Variants in SETX observed in about 807,000 individuals in gnomAD.
SETX encodes senataxin.
SETX carries 90 observed loss-of-function variants against 227.2 expected under a neutral mutation model. The ratio of observed to expected loss-of-function variants is 0.40; its 90% CI spans 0.33 to 0.47. The LOEUF (loss-of-function observed/expected upper bound fraction) is 0.47, where lower values mean the gene tolerates loss of function less well. SETX is among the 20% of genes least tolerant of loss of function. The probability of loss-of-function intolerance (pLI) is 0.91; values close to 1 mark genes in which losing one functional copy is unlikely to be tolerated. For synonymous variants in SETX, 1,210 were observed against 1,113.2 expected, an observed-to-expected ratio of 1.09 and a Z score of -1.73; for missense variants, 3,052 against 3,181.5, an observed-to-expected ratio of 0.96 and a Z score of 0.98.
chr9:132,328,703 T>TA lies in SETX; in HGVS notation c.2894dup (p.Leu965PhefsTer31). 6.2e-7 allele frequency: 1 copy of TA among 1,613,882 alleles called. No individual in the cohort carries two copies. The highest frequency in any genetic ancestry group is 1.1e-5 in the South Asian group (1 of 91,048). On this transcript the variant is annotated frameshift_variant, in exon 10 of 26. Transcript: ENST00000224140. LOFTEE classifies it high-confidence loss of function. ...TAACACTGGCTTGAGCTAGTAAAGA[T>TA]AATTTGTGAAGGTCTCTGTCTATCT...
At chr9:132,283,146 G>A (rs1476993428) in intron 19 of SETX, 118 bp downstream of exon 19, 1 of 1,282,556 alleles carries the variant, frequency 7.8e-7, no homozygotes, top group African/African-American at 1.5e-5. Context: ...GTAATAGCAA[G>A]TGAAAATCAG....
In SETX at chr9:132,328,451, G is replaced by A. The variant is rs3739921; in HGVS notation, c.3147C>T (p.His1049=). The change falls in exon 10 of 26, where the codon CAC becomes CAT. Residue 1049 remains histidine (H), a synonymous_variant. Transcript: ENST00000224140. ...ICLEREHPEQ[H]VSTVNSKEEK... is the part of the protein sequence containing the mutation. ...CCTCCTTACTATTAACTGTTGAAAC[G>A]TGCTGCTCTGGATGTTCCCTCTCAA... 0.091 allele frequency: 147,391 copies of A among 1,613,326 alleles called. 8,332 individuals are homozygous for A. The highest frequency in any genetic ancestry group is 0.25 in the East Asian group (11,420 of 44,852).
chr9:132,348,226 G>C (rs1228825940), intron 3 of SETX, among the ~76,000 whole-genome samples: 2 of 151,704 alleles, frequency 1.3e-5, no homozygotes, highest in East Asian at 3.9e-4. Context: ...GGGTGTGGTG[G>C]CACGTGCCTT....
intron 11 of SETX, among the ~76,000 whole-genome samples, chr9:132,308,674 C>T (rs996867223): frequency 6.6e-6 from 1 of 152,058 alleles, no homozygotes; most frequent in African/African-American, 2.4e-5. Context: ...AAAACCTCTC[C>T]ACAGAAAACT....
upstream of SETX, among the ~76,000 whole-genome samples, chr9:132,355,785 G>A (rs1848878655): frequency 6.6e-6 from 1 of 152,082 alleles, no homozygotes; most frequent in Admixed American, 6.5e-5. Context: ...TCAGGAGTTC[G>A]AGACCAGCCT....
chr9:132,334,819 TGA>T, intron 6 of SETX, 92 bp from the exon 7 acceptor site: 1 of 1,359,140 alleles, frequency 7.4e-7, no homozygotes, highest in Non-Finnish European at 1.0e-6. Context: ...GGCAGGAAGA[TGA>T]AGCAAGATAG....
At chr9:132,265,086 T>C (rs1252807220) in intron 25 of SETX, 101 bp from the exon 26 acceptor site, 5 of 1,345,446 alleles carry the variant, frequency 3.7e-6, no homozygotes, top group Non-Finnish European at 4.2e-6. Context: ...ATACATATTA[T>C]TGTATGAACA....
chr9:132,286,990 C>A (rs1843940803), intron 17 of SETX, among the ~76,000 whole-genome samples: 1 of 152,198 alleles, frequency 6.6e-6, no homozygotes, highest in South Asian at 2.1e-4. Context: ...GATGCTGACA[C>A]TCACCTTTCT....
chr9:132,334,586 T>C (rs768755579), intron 7 of SETX, 22 bp downstream of exon 7: 3 of 1,613,232 alleles, frequency 1.9e-6, no homozygotes, highest in Admixed American at 1.7e-5. Context: ...TTCAACAACA[T>C]TCAGCAAGTA....
chr9:132,329,230 T>C lies in SETX; in HGVS notation c.2368A>G (p.Lys790Glu), dbSNP rs778591572. The C allele has an allele frequency of 3.1e-6, 5 of 1,613,986 alleles. No homozygotes were observed. The South Asian group carries it at 3.3e-5, about 11-fold the overall frequency. The change falls in exon 10 of 26, where the codon AAG (lysine) becomes GAG (glutamate). Residue 790 changes from lysine to glutamate, a missense_variant. Physicochemically the swap from Lys to Glu is moderately conservative, Grantham distance 56. Around this residue, in one of 10 missense-constraint regions of SETX, gnomAD observed 1,483 missense variants for 1,312.0 expected, o/e 1.13. Transcript: ENST00000224140. ...TGCTTCTTTATTACATGTGATAACTTTGCACAGATTTCATCTTTCTGTACC... is the reference window on the plus strand; with the variant it reads ...TGCTTCTTTATTACATGTGATAACTCTGCACAGATTTCATCTTTCTGTACC... The part of the protein sequence containing the change: ...TKVQKDEICA[K>E]LSHVIKKQHR...
chr9:132,311,325 G>A (rs1011591946), intron 11 of SETX, among the ~76,000 whole-genome samples: 1 of 152,058 alleles, frequency 6.6e-6, no homozygotes, highest in African/African-American at 2.4e-5. Flanking sequence ...GGTAAAAAGA[G>A]GACTTATTCA....
intron 11 of SETX, among the ~76,000 whole-genome samples, chr9:132,308,809 G>T (rs1845480082): frequency 6.6e-6 from 1 of 152,050 alleles, no homozygotes; most frequent in African/African-American, 2.4e-5. Context: ...AATTTATATG[G>T]AAATGCAAAG....
At chr9:132,342,549 CTACTT>C (rs1848042361) in intron 5 of SETX, 136 bp downstream of exon 5, 1 of 779,184 alleles carries the variant, frequency 1.3e-6, no homozygotes, top group African/African-American at 1.7e-5. Context: ...AGAGCGCCCT[CTACTT>C]AACTGTAGTA....
rs2296867 is a variant in SETX at position 132,275,520 on chromosome 9, G to T, written c.6936-100C>A. ...GAGTTTGTTTCCCATTATAGTAAAG[G>T]GCAGGCAGATAGGCTTCATCTTTTA... On this transcript the variant is annotated intron_variant, in intron 22 of 25. Transcript: ENST00000224140. 0.16 allele frequency: 168,820 copies of T among 1,025,690 alleles called. 14,696 individuals carry two copies. Among genetic ancestry groups the T allele is most frequent in the East Asian group, 0.28 (10,902 of 38,514 alleles). The allele number at this position is 1,025,690 out of a possible 1,614,324, so 63.5% of individuals were successfully genotyped here.
intron 2 of SETX, among the ~76,000 whole-genome samples, chr9:132,352,017 A>G (rs570992183): frequency 6.6e-6 from 1 of 152,334 alleles, no homozygotes; most frequent in East Asian, 1.9e-4. Context: ...ATTTCTCAAC[A>G]TTAACTAGCC....
At chr9:132,293,284 C>G (rs1054648911) in intron 15 of SETX, among the ~76,000 whole-genome samples, 1 of 152,092 alleles carries the variant, frequency 6.6e-6, no homozygotes, top group Admixed American at 6.5e-5. Flanking sequence ...TACACAAAAC[C>G]CAGAAGCATT....
chr9:132,282,006 C>T lies in SETX; in HGVS notation c.6547-432G>A, dbSNP rs1261280041. Among the ~76,000 whole-genome samples, 5 of 129,004 alleles carry T rather than the reference C, an allele frequency of 3.9e-5. No individual in the cohort carries two copies. In the Admixed American group the frequency reaches 4.2e-4, roughly 11 times the overall value. 84.6% of individuals were successfully genotyped at this position (129,004 alleles called of 152,430 possible). Reference sequence around the variant, plus strand: ...CACTGCACTCCGGTCTGGGTGAGTGCAGACTCCGTCTCTAAAAAAAAAAAA... The same window carrying T: ...CACTGCACTCCGGTCTGGGTGAGTGTAGACTCCGTCTCTAAAAAAAAAAAA... On this transcript the variant is annotated intron_variant, in intron 19 of 25. Coordinates refer to ENST00000224140, the MANE Select transcript of SETX (RefSeq NM_015046.7).
Position 132,330,297 on chromosome 9 carries a change from T to G in SETX, c.1301A>C (p.Asn434Thr), listed in dbSNP as rs1036634878. The change falls in exon 10 of 26, where the codon AAT becomes ACT. Residue 434 changes from asparagine to threonine, a missense_variant. This residue lies in a region of SETX where 179 missense variants were observed against 197.1 expected (regional missense o/e 0.91). Coordinates refer to ENST00000224140, the MANE Select transcript of SETX (RefSeq NM_015046.7). ...LGVAYIAQVV[N>T]HLYSEVKEVL... Reference sequence around the variant, plus strand: ...TTCTTTGACTTCAGAGTACAGATGATTAACAACCTGTGCTATGTAAGCCAC... The same window carrying G: ...TTCTTTGACTTCAGAGTACAGATGAGTAACAACCTGTGCTATGTAAGCCAC... 3.7e-6 allele frequency: 6 copies of G among 1,603,644 alleles called. No homozygotes were observed. Among genetic ancestry groups the G allele is most frequent in the Non-Finnish European group, 5.1e-6 (6 of 1,173,038 alleles).
chr9:132,354,388 C>T (rs1381592718), intron 1 of SETX, among the ~76,000 whole-genome samples: 5 of 149,180 alleles, frequency 3.4e-5, no homozygotes, highest in African/African-American at 1.2e-4. Flanking sequence ...CCCAGTTACT[C>T]GGGGGGATGA....
Sources: gnomAD v4.1 joint callset for allele counts (sites outside exome capture counted in the v4.1 genomes callset) on GRCh38, gnomAD v4.1.1 for gene constraint, gnomAD v4.1.1 regional missense constraint, MANE v1.5 for transcripts, NCBI Gene and HGNC (gene_info 2026-07-23, HGNC 2026-07-21) for gene names.